The following ZNF841 variants were observed in gnomAD, a reference collection of about 807,000 sequenced individuals.
ZNF841 encodes TCONS_00006091.
Under a neutral mutation model 13.0 loss-of-function variants are expected in ZNF841, and 11 were observed. That is an observed-to-expected ratio of 0.85 (90% CI 0.53 to 1.40). The LOEUF (loss-of-function observed/expected upper bound fraction) is 1.40. Among genes scored for constraint, ZNF841 ranks in the 40% most tolerant of loss-of-function variants. ZNF841 has a pLI of 0.00. For missense variants in ZNF841, 1,068 were observed against 1,139.5 expected (o/e 0.94, Z 0.90); for synonymous variants, 369 against 381.6 (o/e 0.97, Z 0.38).
At position 52,065,666 on chromosome 19, in the gene ZNF841, C is replaced by T. The variant is rs1386911392; in HGVS notation, c.2216G>A (p.Cys739Tyr). ...GTTAAAGACTTTCCCACATTCAATA[C>T]ATTTGTATGGCATCTCTCCAGTATG... Reference protein sequence around the residue: ...RRHTGEMPYKCIECGKVFNST... With the variant: ...RRHTGEMPYKYIECGKVFNST... Residue 739 changes from cysteine (C) to tyrosine (Y), a missense_variant, in exon 7 of 7, where the codon TGT becomes TAT. Physicochemically the swap from Cys to Tyr is radical, Grantham distance 194. Coordinates refer to ENST00000594440, the MANE Select transcript of ZNF841 (RefSeq NM_001136499.2). The T allele has an allele frequency of 1.2e-6, 2 of 1,604,500 alleles. No homozygotes were observed. Among genetic ancestry groups the T allele is most frequent in the Non-Finnish European group, 1.7e-6 (2 of 1,174,986 alleles).
Position 52,066,455 on chromosome 19 carries a change from C to T in ZNF841, c.1427G>A (p.Arg476Gln), listed in dbSNP as rs780165261. 110 of 1,610,760 alleles carry T rather than the reference C, an allele frequency of 6.8e-5. No individual in the cohort carries two copies. Among genetic ancestry groups the T allele is most frequent in the Non-Finnish European group, 7.7e-5 (91 of 1,179,100 alleles). The change falls in exon 7 of 7, where the codon CGG (arginine) becomes CAG (glutamine). Residue 476 changes from arginine (R) to glutamine (Q), a missense_variant. By Grantham distance (43) the Arg-to-Gln change is conservative (BLOSUM62 1). Coordinates refer to ENST00000594440, the MANE Select transcript of ZNF841 (RefSeq NM_001136499.2). ...FFQRSRLAGH[R>Q]RIHTGEKPYK... Reference sequence around the variant, plus strand: ...GGGTTTCTCTCCAGTATGAATTCTCCGGTGCCCTGCAAGACGTGAACGTTG... The same window carrying T: ...GGGTTTCTCTCCAGTATGAATTCTCTGGTGCCCTGCAAGACGTGAACGTTG...
chr19:52,081,844 C>T (rs768900920), intron 4 of ZNF841, among the ~76,000 whole-genome samples: 1 of 151,808 alleles, frequency 6.6e-6, no homozygotes, highest in African/African-American at 2.4e-5. Flanking sequence ...AGAGTGAAAC[C>T]CTGCCTGAAA....
chr19:52,095,254 C>A (rs1272016096), intron 1 of ZNF841, among the ~76,000 whole-genome samples: 7 of 152,258 alleles, frequency 4.6e-5, no homozygotes, highest in Non-Finnish European at 8.8e-5. Context: ...GAGGACGACA[C>A]GAGGTGGCGC....
At chr19:52,090,678 A>G (rs75902569) in intron 2 of ZNF841, among the ~76,000 whole-genome samples, 15,214 of 135,344 alleles carry the variant, frequency 0.11, 1,605 homozygotes, top group East Asian at 0.29. Flanking sequence ...AAAGAAAGAA[A>G]GAAAGAAAGA....
At position 52,089,033 on chromosome 19, in the gene ZNF841, A is replaced by C. The variant is rs1326104085; in HGVS notation, c.-143-31T>G. 7 of 152,390 alleles carry C rather than the reference A, an allele frequency of 4.6e-5. No homozygotes were observed. In the East Asian group the frequency reaches 1.3e-3, roughly 29 times the overall value. 9.4% of individuals were successfully genotyped at this position (152,390 alleles called of 1,614,324 possible). A position where few individuals can be genotyped will look rare whatever the true frequency, so the allele number is the denominator to read the frequency against. The stretch of plus-strand genomic sequence containing the variant: ...AAAAGAGAAAATTCATGAAGCCGTC[A>C]CTGCAGCTACACCAGTAGGCACGAA... On this transcript the variant is annotated intron_variant, in intron 2 of 6. Coordinates refer to ENST00000594440, the MANE Select transcript of ZNF841 (RefSeq NM_001136499.2).
chr19:52,071,836 A>G (rs765272863), intron 6 of ZNF841, among the ~76,000 whole-genome samples: 1 of 152,246 alleles, frequency 6.6e-6, no homozygotes, highest in Non-Finnish European at 1.5e-5. Flanking sequence ...CAATGGCAAT[A>G]TAAGTCCTTT....
chr19:52,080,444 G>GT (rs1176240005), intron 4 of ZNF841, among the ~76,000 whole-genome samples: 1 of 152,272 alleles, frequency 6.6e-6, no homozygotes, highest in African/African-American at 2.4e-5. Flanking sequence ...ATGCACTGGG[G>GT]TAACAGAAAA....
chr19:52,076,340 A>G (rs1267068987), intron 5 of ZNF841, 168 bp from the exon 6 acceptor site: 3 of 801,336 alleles, frequency 3.7e-6, no homozygotes, highest in Non-Finnish European at 5.6e-6. Context: ...GAAGATATCT[A>G]GCTCTCTCCC....
At chr19:52,082,466 A>G (rs566743710) in intron 4 of ZNF841, among the ~76,000 whole-genome samples, 1 of 152,366 alleles carries the variant, frequency 6.6e-6, no homozygotes, top group African/African-American at 2.4e-5. Context: ...AATTCATGCA[A>G]AGAAAATGTA....
intron 6 of ZNF841, among the ~76,000 whole-genome samples, chr19:52,071,347 G>A (rs1039222247): frequency 1.3e-5 from 2 of 152,078 alleles, no homozygotes; most frequent in African/African-American, 4.8e-5. Context: ...ACCTGAAAAT[G>A]GCCACGAAGA....
intron 6 of ZNF841, among the ~76,000 whole-genome samples, chr19:52,069,333 C>T (rs568317251): frequency 6.6e-6 from 1 of 152,298 alleles, no homozygotes; most frequent in East Asian, 1.9e-4. Context: ...CCTCTGCCTC[C>T]CAAAGTGCTG....
At chr19:52,067,703 A>T in intron 6 of ZNF841, 93 bp from the exon 7 acceptor site, 1 of 882,952 alleles carries the variant, frequency 1.1e-6, no homozygotes, top group Non-Finnish European at 1.5e-6. Context: ...CATAATGTTT[A>T]TACTAGCAAG....
chr19:52,062,855 T>C (rs2087426223), downstream of ZNF841, among the ~76,000 whole-genome samples: 1 of 150,932 alleles, frequency 6.6e-6, no homozygotes, highest in Non-Finnish European at 1.5e-5. Context: ...TTACCTAACA[T>C]GGAATCTGTT....
At chr19:52,077,144 TGAGAA>T in intron 4 of ZNF841, 60 bp from the exon 5 acceptor site, 2 of 1,520,354 alleles carry the variant, frequency 1.3e-6, no homozygotes, top group Non-Finnish European at 1.8e-6. Context: ...TTACATAAAA[TGAGAA>T]GAGGAGAGAA....
intron 4 of ZNF841, among the ~76,000 whole-genome samples, chr19:52,083,818 C>CTT (rs200811423): frequency 2.2e-5 from 3 of 138,934 alleles, no homozygotes; most frequent in South Asian, 2.3e-4. Flanking sequence ...TCATAGTTAC[C>CTT]TTTTTTTTTT....
intron 6 of ZNF841, among the ~76,000 whole-genome samples, chr19:52,070,885 T>C (rs2087719892): frequency 1.3e-5 from 2 of 152,054 alleles, no homozygotes; most frequent in Admixed American, 6.6e-5. Flanking sequence ...AGTATAAAAT[T>C]AATATGCTAG....
At chr19:52,078,860 T>C (rs973133544) in intron 4 of ZNF841, among the ~76,000 whole-genome samples, 4 of 152,050 alleles carry the variant, frequency 2.6e-5, no homozygotes, top group Non-Finnish European at 5.9e-5. Flanking sequence ...GAAAAGATAA[T>C]AGGCTGATTT....
Position 52,073,323 on chromosome 19 carries a change from G to A in ZNF841, c.271+2721C>T, listed in dbSNP as rs1344937889. 2.6e-5 allele frequency among the ~76,000 whole-genome samples: 4 copies of A among 151,070 alleles called. No individual in the cohort carries two copies. The East Asian group carries it at 7.7e-4, about 29-fold the overall frequency. ...TTTTTCTTTTTTTTTTTTAGAGACA[G>A]GGTCTTGCTCTGTCGCCCAGGCTGA... On this transcript the variant is annotated intron_variant, in intron 6 of 6. Coordinates refer to ENST00000594440, the MANE Select transcript of ZNF841 (RefSeq NM_001136499.2).
downstream of ZNF841, among the ~76,000 whole-genome samples, chr19:52,061,547 CTTACT>C (rs2087396894): frequency 6.6e-6 from 1 of 151,970 alleles, no homozygotes; most frequent in Admixed American, 6.5e-5. Context: ...CCCCCCCACT[CTTACT>C]TTTTCTTTTT....
Sources: allele counts gnomAD v4.1 joint callset (sites outside exome capture counted in the v4.1 genomes callset), GRCh38; gene constraint gnomAD v4.1.1; transcripts MANE v1.5; gene names NCBI Gene and HGNC (gene_info 2026-07-23, HGNC 2026-07-21).